The following IL15 variants were observed in gnomAD, a reference collection of about 807,000 sequenced individuals.
IL15 encodes interleukin-15.
Under a neutral mutation model 19.6 loss-of-function variants are expected in IL15, and 11 were observed. The observed-to-expected ratio is 0.56, with a 90% CI of 0.35 to 0.93. IL15 has a LOEUF of 0.93. Ranked by LOEUF, IL15 falls within the 40% of genes least tolerant of loss-of-function variation. The pLI, the probability that IL15 is intolerant of heterozygous loss-of-function variation, is 0.01. For missense variants in IL15, 197 were observed against 186.5 expected (o/e 1.06, Z -0.33); for synonymous variants, 58 against 59.6 (o/e 0.97, Z 0.12).
intron 2 of IL15, among the ~76,000 whole-genome samples, chr4:141,675,244 TTTATCA>T: frequency 6.6e-6 from 1 of 152,162 alleles, no homozygotes; most frequent in Non-Finnish European, 1.5e-5. Context: ...ACTAGTCTCT[TTTATCA>T]TTAACTACCA....
chr4:141,687,297 C>A (rs1383002375), intron 2 of IL15, among the ~76,000 whole-genome samples: 1 of 152,168 alleles, frequency 6.6e-6, no homozygotes, highest in African/African-American at 2.4e-5. Flanking sequence ...ATAGTGGTGA[C>A]AAAGCTTTGC....
At chr4:141,682,805 A>G (rs1467464591) in intron 2 of IL15, among the ~76,000 whole-genome samples, 2 of 152,138 alleles carry the variant, frequency 1.3e-5, no homozygotes, top group Non-Finnish European at 2.9e-5. Context: ...AAATACAAAA[A>G]AAATTAGCCG....
chr4:141,640,145 A>G (rs530050654), intron 1 of IL15, among the ~76,000 whole-genome samples: 5 of 152,310 alleles, frequency 3.3e-5, no homozygotes, highest in African/African-American at 9.6e-5. Context: ...AGCCTGAAGG[A>G]CAAATTATTG....
chr4:141,693,535 C>T (rs1335645952), intron 2 of IL15, among the ~76,000 whole-genome samples: 2 of 152,168 alleles, frequency 1.3e-5, no homozygotes, highest in Admixed American at 1.3e-4. Flanking sequence ...TTTGCACTTA[C>T]TGACTTATTT....
At chr4:141,677,869 G>T (rs188723172) in intron 2 of IL15, among the ~76,000 whole-genome samples, 95 of 152,302 alleles carry the variant, frequency 6.2e-4, no homozygotes, top group African/African-American at 2.2e-3. Flanking sequence ...GTTGTCACAT[G>T]CACAGTTAGT....
At chr4:141,692,843 C>T (rs776366854) in intron 2 of IL15, among the ~76,000 whole-genome samples, 5 of 151,770 alleles carry the variant, frequency 3.3e-5, no homozygotes, top group Non-Finnish European at 5.9e-5. Context: ...ACTGTTCCAA[C>T]GTCTGCCTAT....
At chr4:141,656,770 T>C (rs1727618751) in intron 2 of IL15, among the ~76,000 whole-genome samples, 1 of 152,214 alleles carries the variant, frequency 6.6e-6, no homozygotes, top group African/African-American at 2.4e-5. Context: ...ACTGGGTTAA[T>C]TTTGAAAGAA....
intron 5 of IL15, among the ~76,000 whole-genome samples, chr4:141,726,217 C>T (rs911970832): frequency 2.6e-5 from 4 of 151,572 alleles, no homozygotes; most frequent in Admixed American, 2.6e-4. Flanking sequence ...AATTATGAAG[C>T]AGGAGAGAAA....
chr4:141,721,207 T>A lies in IL15; in HGVS notation c.110+641T>A, dbSNP rs759994218. Reference sequence around the variant, plus strand: ...TTCTTCATCATAAGACAGATTAGTGTTGACTATCATGCTTCTGTGTAAGAT... The same window carrying A: ...TTCTTCATCATAAGACAGATTAGTGATGACTATCATGCTTCTGTGTAAGAT... On this transcript the variant is annotated intron_variant, in intron 4 of 7. Transcript: ENST00000320650. 7.1e-6 allele frequency: 6 copies of A among 840,236 alleles called. No homozygotes were observed. In the East Asian group the frequency reaches 1.2e-4, roughly 17 times the overall value. 52.0% of individuals were successfully genotyped at this position (840,236 alleles called of 1,614,324 possible).
chr4:141,659,453 G>A lies in IL15; in HGVS notation c.-100+3146G>A, dbSNP rs144352159. ...CCTGACCTTGTGATTTGCCCACCTC[G>A]GCCTCCCGAAGTGCTGAGATTACAG... is the stretch of plus-strand genomic sequence containing the variant. On this transcript the variant is annotated intron_variant, in intron 2 of 7. Transcript: ENST00000320650. 4.3e-3 allele frequency among the ~76,000 whole-genome samples: 660 copies of A among 152,196 alleles called. 1 individual carries two copies. Among genetic ancestry groups the A allele is most frequent in the Non-Finnish European group, 7.5e-3 (513 of 68,004 alleles).
rs1202732015 is a variant in IL15 at position 141,713,408 on chromosome 4, C to G, written c.-99-5958C>G. On this transcript the variant is annotated intron_variant, in intron 2 of 7. Transcript: ENST00000320650. ...TTTTATAAATAAAGTTGTATTGGAA[C>G]ACAGCCATACCCATTTGTTTATGTG... Among the ~76,000 whole-genome samples the G allele has an allele frequency of 2.0e-5, 3 of 152,154 alleles. No individual in the cohort carries two copies. In the East Asian group the frequency reaches 5.8e-4, roughly 29 times the overall value.
intron 1 of IL15, among the ~76,000 whole-genome samples, chr4:141,651,413 C>T (rs963797462): frequency 2.6e-5 from 4 of 151,942 alleles, no homozygotes; most frequent in Non-Finnish European, 5.9e-5. Flanking sequence ...GAATAATAGT[C>T]ATTGGAGAAT....
chr4:141,689,842 C>T (rs1728847361), intron 2 of IL15, among the ~76,000 whole-genome samples: 1 of 152,028 alleles, frequency 6.6e-6, no homozygotes, highest in African/African-American at 2.4e-5. Context: ...CCTGCCAGTC[C>T]TGCTCCGTGC....
At chr4:141,689,998 G>T (rs1277062819) in intron 2 of IL15, among the ~76,000 whole-genome samples, 4 of 152,220 alleles carry the variant, frequency 2.6e-5, no homozygotes, top group African/African-American at 9.6e-5. Flanking sequence ...CCCGAGCCCT[G>T]CCCTGCAGGA....
intron 7 of IL15, among the ~76,000 whole-genome samples, chr4:141,730,534 T>A (rs1730418402): frequency 6.6e-6 from 1 of 152,178 alleles, no homozygotes; most frequent in Admixed American, 6.5e-5. Context: ...GCCACAACTC[T>A]TACCCGAGCA....
chr4:141,724,966 T>A lies in IL15; in HGVS notation c.195+2958T>A, dbSNP rs186638202. Among the ~76,000 whole-genome samples the A allele has an allele frequency of 1.2e-4, 19 of 152,282 alleles. No individual in the cohort carries two copies. The East Asian group carries it at 3.5e-3, about 28-fold the overall frequency. On this transcript the variant is annotated intron_variant, in intron 5 of 7. Transcript: ENST00000320650. Reference sequence around the variant, plus strand: ...TTTTAGGAGGCCAGTATTACTGTGATGCTAAAACCAAATAAAGATATTACT... The same window carrying A: ...TTTTAGGAGGCCAGTATTACTGTGAAGCTAAAACCAAATAAAGATATTACT...
intron 1 of IL15, among the ~76,000 whole-genome samples, chr4:141,649,699 G>A (rs1019152067): frequency 4.6e-5 from 7 of 151,830 alleles, no homozygotes; most frequent in African/African-American, 1.7e-4. Context: ...TAACACAACA[G>A]TAAAACAAAC....
chr4:141,730,107 A>C, intron 7 of IL15, 123 bp downstream of exon 7: 1 of 786,358 alleles, frequency 1.3e-6, no homozygotes, highest in South Asian at 1.5e-5. Context: ...GTTCCAGTGG[A>C]GTGGTGTGCA....
intron 2 of IL15, among the ~76,000 whole-genome samples, chr4:141,689,709 A>C (rs1174971119): frequency 1.3e-5 from 2 of 152,124 alleles, no homozygotes; most frequent in African/African-American, 4.8e-5. Flanking sequence ...CTAGATACAG[A>C]GTGCCGATTG....
Sources: allele counts gnomAD v4.1 joint callset (sites outside exome capture counted in the v4.1 genomes callset), GRCh38; gene constraint gnomAD v4.1.1; transcripts MANE v1.5; gene names NCBI Gene and HGNC (gene_info 2026-07-23, HGNC 2026-07-21).